MAPK10: variants seen among roughly 807,000 people sequenced by gnomAD.
The protein encoded by MAPK10 is JNK3 alpha protein kinase.
A neutral mutation model predicts 59.3 loss-of-function variants in MAPK10; 25 were observed. The observed-to-expected ratio is 0.42, with a 90% CI of 0.31 to 0.59. MAPK10 has a LOEUF of 0.59. Ranked by LOEUF, MAPK10 falls within the 20% of genes least tolerant of loss-of-function variation. The pLI is 0.15. For missense variants in MAPK10, 351 were observed against 568.9 expected (o/e 0.62, Z 3.90); for synonymous variants, 190 against 200.5 (o/e 0.95, Z 0.44).
At position 86,275,436 on chromosome 4, in the gene MAPK10, T is replaced by C. The variant is rs527725825; in HGVS notation, c.-7+79094A>G. ...ATGACCCCAAATACTTAATTCTACA[T>C]GGCTCATACCAGGAATATTAACATA... On this transcript the variant is annotated intron_variant, in intron 2 of 13. Transcript: ENST00000641462. 3.9e-5 allele frequency among the ~76,000 whole-genome samples: 6 copies of C among 152,164 alleles called. No homozygotes were observed. The South Asian group carries it at 1.2e-3, about 32-fold the overall frequency.
chr4:86,535,632 T>C (rs1301754303), intron 1 of MAPK10, among the ~76,000 whole-genome samples: 1 of 151,864 alleles, frequency 6.6e-6, no homozygotes, highest in African/African-American at 2.4e-5. Context: ...TACACTGAAA[T>C]GAGTGTACTT....
chr4:86,571,181 C>T (rs1761414938), intron 1 of MAPK10, among the ~76,000 whole-genome samples: 1 of 147,380 alleles, frequency 6.8e-6, no homozygotes, highest in African/African-American at 2.5e-5. Flanking sequence ...TAATAAAATA[C>T]TTAGGGTTTT....
intron 2 of MAPK10, among the ~76,000 whole-genome samples, chr4:86,332,336 AT>A (rs1027478131): frequency 6.6e-6 from 1 of 152,264 alleles, no homozygotes; most frequent in African/African-American, 2.4e-5. Flanking sequence ...TTGGGAAGTT[AT>A]TTTTTTAATT....
intron 2 of MAPK10, among the ~76,000 whole-genome samples, chr4:86,303,190 T>A (rs1291858752): frequency 6.6e-6 from 1 of 152,214 alleles, no homozygotes; most frequent in East Asian, 1.9e-4. Context: ...TCTGGCTTCA[T>A]TAAGCTTCTT....
chr4:86,342,816 C>G (rs1725785423), intron 2 of MAPK10, among the ~76,000 whole-genome samples: 1 of 152,164 alleles, frequency 6.6e-6, no homozygotes, highest in Admixed American at 6.6e-5. Flanking sequence ...GCCTCTTGTT[C>G]AAGCTGGATT....
At chr4:86,149,099 C>T (rs1324715224) in intron 4 of MAPK10, among the ~76,000 whole-genome samples, 1 of 152,100 alleles carries the variant, frequency 6.6e-6, no homozygotes, top group Non-Finnish European at 1.5e-5. Context: ...CAAATTTCTC[C>T]CACTTTGATC....
chr4:86,165,952 A>G (rs190851966), intron 3 of MAPK10, among the ~76,000 whole-genome samples: 33 of 152,318 alleles, frequency 2.2e-4, no homozygotes, highest in African/African-American at 7.7e-4. Context: ...ATGTTTGATA[A>G]TTTGATAATT....
At chr4:86,177,577 C>T (rs2075964981) in intron 3 of MAPK10, among the ~76,000 whole-genome samples, 1 of 152,136 alleles carries the variant, frequency 6.6e-6, no homozygotes, top group South Asian at 2.1e-4. Context: ...CCATATAATT[C>T]TGGAACCAAG....
chr4:86,320,123 G>T lies in MAPK10; in HGVS notation c.-7+34407C>A, dbSNP rs17011682. On this transcript the variant is annotated intron_variant, in intron 2 of 13. Coordinates refer to ENST00000641462, the MANE Select transcript of MAPK10 (RefSeq NM_138982.4). ...AGTCTAGTTCTGTTACTAAGTGGCT[G>T]TATGACCTTAGACAAGTCAGCTAAC... Among the ~76,000 whole-genome samples, 1,510 of 152,324 alleles carry T rather than the reference G, an allele frequency of 9.9e-3. 17 individuals are homozygous for T. Among genetic ancestry groups the T allele is most frequent in the African/African-American group, 0.034 (1,428 of 41,572 alleles).
rs548184136 is a variant in MAPK10, at chr4:86,317,021, C to T, written c.-7+37509G>A. 5.9e-5 allele frequency among the ~76,000 whole-genome samples: 9 copies of T among 152,208 alleles called. No homozygotes were observed. The South Asian group carries it at 1.0e-3, about 18-fold the overall frequency. ...ATCCCAAAGTAATTCAGTTTGCAGTCTCTATCTAGTCCATAAAGGAGAAAT... is the reference window on the plus strand; with the variant it reads ...ATCCCAAAGTAATTCAGTTTGCAGTTTCTATCTAGTCCATAAAGGAGAAAT... On this transcript the variant is annotated intron_variant, in intron 2 of 13. Coordinates refer to ENST00000641462, the MANE Select transcript of MAPK10 (RefSeq NM_138982.4).
At chr4:86,168,175 G>A (rs111367133) in intron 3 of MAPK10, among the ~76,000 whole-genome samples, 3,449 of 152,262 alleles carry the variant, frequency 0.023, 143 homozygotes, top group African/African-American at 0.078. Context: ...CTGAGGTACC[G>A]GGTTCATCTC....
chr4:86,031,809 C>G (rs1257074055), intron 11 of MAPK10: 1 of 170,684 alleles, frequency 5.9e-6, no homozygotes, highest in Non-Finnish European at 1.2e-5. Flanking sequence ...TGCCTTATAA[C>G]AGAACCATGC....
At chr4:86,309,352 G>A (rs1332588177) in intron 2 of MAPK10, among the ~76,000 whole-genome samples, 6 of 152,114 alleles carry the variant, frequency 3.9e-5, no homozygotes, top group African/African-American at 7.2e-5. Context: ...GATGAACTCC[G>A]GCATGCAGAT....
At chr4:86,524,698 C>T (rs1041405577) in intron 1 of MAPK10, among the ~76,000 whole-genome samples, 7 of 152,140 alleles carry the variant, frequency 4.6e-5, no homozygotes, top group Non-Finnish European at 8.8e-5. Context: ...CATTTACACT[C>T]TCTCTCCCCT....
At chr4:86,411,529 G>A (rs2149027155) in intron 1 of MAPK10, among the ~76,000 whole-genome samples, 1 of 152,244 alleles carries the variant, frequency 6.6e-6, no homozygotes, top group Admixed American at 6.5e-5. Flanking sequence ...ATTATTGTGT[G>A]GGAGTCTAAG....
chr4:86,573,929 A>C (rs2149109208), intron 1 of MAPK10, among the ~76,000 whole-genome samples: 1 of 152,262 alleles, frequency 6.6e-6, no homozygotes, highest in Non-Finnish European at 1.5e-5. Context: ...TTATACTTTA[A>C]GTTTTAGGGT....
At chr4:86,202,874 T>G (rs1304525482) in intron 2 of MAPK10, among the ~76,000 whole-genome samples, 1 of 152,006 alleles carries the variant, frequency 6.6e-6, no homozygotes, top group East Asian at 1.9e-4. Context: ...AGTCACTGCG[T>G]AACCTTCTTG....
At chr4:86,497,328 G>C (rs1305233031) in intron 1 of MAPK10, among the ~76,000 whole-genome samples, 1 of 152,130 alleles carries the variant, frequency 6.6e-6, no homozygotes, top group Non-Finnish European at 1.5e-5. Flanking sequence ...CCGTAGACTT[G>C]GCAAGGAACT....
chr4:86,114,845 G>C (rs2058069239), intron 4 of MAPK10, among the ~76,000 whole-genome samples: 1 of 152,226 alleles, frequency 6.6e-6, no homozygotes, highest in South Asian at 2.1e-4. Context: ...TCAGAGTTCT[G>C]TCTGAAAACC....
Sources: gnomAD v4.1 joint callset for allele counts (sites outside exome capture counted in the v4.1 genomes callset) on GRCh38, gnomAD v4.1.1 for gene constraint, MANE v1.5 for transcripts, NCBI Gene and HGNC (gene_info 2026-07-23, HGNC 2026-07-21) for gene names.